The following SEC24B variants were observed in gnomAD, a reference collection of about 807,000 sequenced individuals.
SEC24B encodes the protein protein transport protein Sec24B.
SEC24B carries 45 observed loss-of-function variants against 142.8 expected under a neutral mutation model. That is an observed-to-expected ratio of 0.32 (90% CI 0.25 to 0.40). SEC24B has a LOEUF of 0.40. Among genes scored for constraint, SEC24B ranks in the 10% least tolerant of loss-of-function variants. The pLI, the probability that SEC24B is intolerant of heterozygous loss-of-function variation, is 1.00. For synonymous variants in SEC24B, 574 were observed against 568.2 expected, an observed-to-expected ratio of 1.01 and a Z score of -0.15; for missense variants, 1,409 against 1,526.8, an observed-to-expected ratio of 0.92 and a Z score of 1.29.
At chr4:109,528,467 A>G (rs1334101389) in intron 18 of SEC24B, among the ~76,000 whole-genome samples, 1 of 151,694 alleles carries the variant, frequency 6.6e-6, no homozygotes, top group African/African-American at 2.4e-5. Flanking sequence ...AAATGATTCT[A>G]TATAAATGAC....
intron 3 of SEC24B, among the ~76,000 whole-genome samples, chr4:109,474,670 C>G (rs558104929): frequency 6.6e-6 from 1 of 152,122 alleles, no homozygotes; most frequent in Non-Finnish European, 1.5e-5. Flanking sequence ...GGTGATCCGC[C>G]CACCTTGGCC....
chr4:109,521,921 G>A (rs1050402101), intron 14 of SEC24B, among the ~76,000 whole-genome samples: 47 of 151,576 alleles, frequency 3.1e-4, no homozygotes, highest in African/African-American at 9.4e-4. Context: ...TAGTAGAGAC[G>A]GGGGTTTCAC....
chr4:109,540,881 T>TAAA lies in SEC24B; in HGVS notation c.*1219_*1221dup. ...TGGGCAACAGAGTGAGACTCCATCTTAAAAAAAAAAAAAAAGTAATATATA... is the reference window on the plus strand; with the variant it reads ...TGGGCAACAGAGTGAGACTCCATCTTAAAAAAAAAAAAAAAAAAGTAATATATA... On this transcript the variant is annotated 3_prime_UTR_variant, in exon 24 of 24. Coordinates refer to ENST00000265175, the MANE Select transcript of SEC24B (RefSeq NM_006323.5). 1 of 139,246 alleles carries TAAA rather than the reference T, an allele frequency of 7.2e-6. No individual in the cohort carries two copies. The highest frequency in any genetic ancestry group is 1.6e-5 in the Non-Finnish European group (1 of 63,522). 8.6% of individuals were successfully genotyped at this position (139,246 alleles called of 1,614,324 possible). A position where few individuals can be genotyped will look rare whatever the true frequency, so the allele number is the denominator to read the frequency against.
At chr4:109,499,453 T>C (rs917605647) in intron 6 of SEC24B, among the ~76,000 whole-genome samples, 1 of 151,880 alleles carries the variant, frequency 6.6e-6, no homozygotes, top group African/African-American at 2.4e-5. Flanking sequence ...ACTTGGGCAA[T>C]ATAGCAAGAA....
intron 2 of SEC24B, among the ~76,000 whole-genome samples, chr4:109,472,313 A>G (rs892784809): frequency 6.6e-6 from 1 of 152,184 alleles, no homozygotes; most frequent in Non-Finnish European, 1.5e-5. Flanking sequence ...ATTACCTTCA[A>G]TAACTTACCC....
Position 109,469,486 on chromosome 4 carries a change from C to T in SEC24B, c.878-3518C>T, listed in dbSNP as rs112678645. 8.6e-3 allele frequency among the ~76,000 whole-genome samples: 1,311 copies of T among 152,214 alleles called. 15 individuals carry two copies. Among genetic ancestry groups the T allele is most frequent in the Middle Eastern group, 0.017 (5 of 294 alleles). ...GATAAACACAAATGAATGTAAAATT[C>T]CTATTATTATTTAAGCAACATGAAG... On this transcript the variant is annotated intron_variant, in intron 2 of 23. Transcript: ENST00000265175.
chr4:109,532,960 C>T lies in SEC24B; in HGVS notation c.3495+217C>T, dbSNP rs569194800. 2.6e-5 allele frequency among the ~76,000 whole-genome samples: 4 copies of T among 152,220 alleles called. No individual in the cohort carries two copies. The East Asian group carries it at 7.7e-4, about 29-fold the overall frequency. On this transcript the variant is annotated intron_variant, in intron 21 of 23. Coordinates refer to ENST00000265175, the MANE Select transcript of SEC24B (RefSeq NM_006323.5). ...GTTATTGATATTTGTATTGATAATACTGATAGAGTAATACATTTTAATATG... is the reference window on the plus strand; with the variant it reads ...GTTATTGATATTTGTATTGATAATATTGATAGAGTAATACATTTTAATATG...
chr4:109,440,266 C>T (rs1030833745), intron 1 of SEC24B, among the ~76,000 whole-genome samples: 2 of 152,114 alleles, frequency 1.3e-5, no homozygotes, highest in Non-Finnish European at 2.9e-5. Flanking sequence ...CCCCAAGTTT[C>T]TGGGATTGTA....
At position 109,524,802 on chromosome 4, in the gene SEC24B, T is replaced by C; in HGVS notation, c.2509-16T>C. On this transcript the variant is annotated splice_polypyrimidine_tract_variant and intron_variant, in intron 14 of 23. Transcript: ENST00000265175. ...ATAAAGATTGCTAGCTCTTACTATA[T>C]GATCTGTTGACTTAGGTGGTACAAC... The C allele has an allele frequency of 6.2e-7, 1 of 1,601,656 alleles. No homozygotes were observed. Among genetic ancestry groups the C allele is most frequent in the East Asian group, 2.3e-5 (1 of 44,396 alleles).
chr4:109,451,051 A>AT (rs1452528854), intron 1 of SEC24B: 3 of 151,928 alleles, frequency 2.0e-5, no homozygotes, highest in Non-Finnish European at 4.4e-5. Context: ...GATTACAAAT[A>AT]TTTGCCACAG....
intron 15 of SEC24B, 57 bp from the exon 16 acceptor site, chr4:109,525,289 G>T: frequency 7.2e-7 from 1 of 1,398,298 alleles, no homozygotes; most frequent in Non-Finnish European, 9.6e-7. Context: ...TACTACTGTT[G>T]GACAAGTAAA....
intron 6 of SEC24B, among the ~76,000 whole-genome samples, chr4:109,496,852 T>C (rs976551265): frequency 2.0e-5 from 3 of 152,154 alleles, no homozygotes; most frequent in Non-Finnish European, 2.9e-5. Flanking sequence ...CCTGTTTGAC[T>C]CTTGTGCTTT....
chr4:109,449,890 G>A (rs1293845837), intron 1 of SEC24B, among the ~76,000 whole-genome samples: 2 of 152,068 alleles, frequency 1.3e-5, no homozygotes, highest in Non-Finnish European at 1.5e-5. Flanking sequence ...CTGTTTATTA[G>A]GAGTGATTCA....
intron 1 of SEC24B, among the ~76,000 whole-genome samples, chr4:109,438,008 C>T (rs555946202): frequency 6.6e-5 from 10 of 152,154 alleles, no homozygotes; most frequent in East Asian, 5.8e-4. Flanking sequence ...AAAGTGGTTG[C>T]GGTTAAAATA....
intron 6 of SEC24B, among the ~76,000 whole-genome samples, chr4:109,495,378 G>A (rs1735435332): frequency 6.6e-6 from 1 of 152,120 alleles, no homozygotes; most frequent in South Asian, 2.1e-4. Context: ...ACATTGTCTG[G>A]GGTCTAAACC....
intron 2 of SEC24B, among the ~76,000 whole-genome samples, chr4:109,464,758 T>C (rs1244689903): frequency 6.6e-6 from 1 of 152,218 alleles, no homozygotes; most frequent in Admixed American, 6.5e-5. Flanking sequence ...AATGAGATTA[T>C]TTAAAATTAG....
chr4:109,463,202 T>C lies in SEC24B; in HGVS notation c.435T>C (p.His145=). The change falls in exon 2 of 24, where the codon CAT becomes CAC. Residue 145 remains histidine, a synonymous_variant. Coordinates refer to ENST00000265175, the MANE Select transcript of SEC24B (RefSeq NM_006323.5). Reference sequence around the variant, plus strand: ...CTGCATCGTCAGCATCCCATTTGCATACGAGTGCCTCCCAACCATACTCCT... The same window carrying C: ...CTGCATCGTCAGCATCCCATTTGCACACGAGTGCCTCCCAACCATACTCCT... The part of the protein sequence containing the change: ...QGAASSASHL[H]TSASQPYSSF... 1 of 1,614,190 alleles carries C rather than the reference T, an allele frequency of 6.2e-7. No homozygotes were observed. The highest frequency in any genetic ancestry group is 2.2e-5 in the East Asian group (1 of 44,882).
intron 1 of SEC24B, among the ~76,000 whole-genome samples, chr4:109,447,845 A>G (rs1040771459): frequency 6.6e-6 from 1 of 152,192 alleles, no homozygotes; most frequent in Non-Finnish European, 1.5e-5. Flanking sequence ...AGTCCACCTG[A>G]GCTAAAACCA....
chr4:109,482,975 TATATACAC>T (rs1362645080), intron 4 of SEC24B, among the ~76,000 whole-genome samples: 1 of 54,976 alleles, frequency 1.8e-5, no homozygotes, highest in Non-Finnish European at 3.4e-5. Flanking sequence ...TATATATATA[TATATACAC>T]ACACACACAC....
Sources: allele counts gnomAD v4.1 joint callset (sites outside exome capture counted in the v4.1 genomes callset), GRCh38; gene constraint gnomAD v4.1.1; transcripts MANE v1.5; gene names NCBI Gene and HGNC (gene_info 2026-07-23, HGNC 2026-07-21).